Variants in PDE2A observed in about 807,000 individuals in gnomAD.
The protein encoded by PDE2A is phosphodiesterase 2A.
Under a neutral mutation model 133.6 loss-of-function variants are expected in PDE2A, and 53 were observed. The ratio of observed to expected loss-of-function variants is 0.40; its 90% CI spans 0.32 to 0.50. The LOEUF is 0.50. Ranked by LOEUF, PDE2A falls within the 20% of genes least tolerant of loss-of-function variation. The pLI is 0.73. For synonymous variants in PDE2A, 491 were observed against 490.2 expected, an observed-to-expected ratio of 1.00 and a Z score of -0.02; for missense variants, 796 against 1,232.4, an observed-to-expected ratio of 0.65 and a Z score of 5.30.
At chr11:72,637,753 T>G (rs1039569631) in intron 2 of PDE2A, among the ~76,000 whole-genome samples, 1 of 152,190 alleles carries the variant, frequency 6.6e-6, no homozygotes, top group African/African-American at 2.4e-5. Flanking sequence ...AGAGAAGCCT[T>G]CTTGGAGGAA....
chr11:72,578,465 T>TC lies in PDE2A; in HGVS notation c.2508+10dup. On this transcript the variant is annotated intron_variant, in intron 29 of 30. Coordinates refer to ENST00000334456, the MANE Select transcript of PDE2A (RefSeq NM_002599.5). The surrounding 1 kb of genome is among the most constrained non-coding windows in gnomAD (Gnocchi z 4.2). ...CCCATCCTGGACATCCTGGGGTCAC[T>TC]CCACACATACCAGGTCTCCCTGGGA... The TC allele has an allele frequency of 8.1e-6, 13 of 1,612,362 alleles. No individual in the cohort carries two copies. The highest frequency in any genetic ancestry group is 1.1e-5 in the Non-Finnish European group (13 of 1,178,418).
chr11:72,662,649 A>G (rs969824108), intron 1 of PDE2A, among the ~76,000 whole-genome samples: 1 of 152,104 alleles, frequency 6.6e-6, no homozygotes, highest in African/African-American at 2.4e-5. Flanking sequence ...GCTGCCACAC[A>G]CCTGCATTGG....
At chr11:72,639,944 G>A (rs969622388) in intron 2 of PDE2A, among the ~76,000 whole-genome samples, 1 of 151,948 alleles carries the variant, frequency 6.6e-6, no homozygotes, top group South Asian at 2.1e-4. Context: ...CGCCCCAAAT[G>A]TTACAGACCT....
intron 1 of PDE2A, among the ~76,000 whole-genome samples, chr11:72,643,846 C>G (rs1202178120): frequency 6.6e-6 from 1 of 152,190 alleles, no homozygotes; most frequent in African/African-American, 2.4e-5. Flanking sequence ...GTTTCTCCCA[C>G]CTTTCTTTCT....
chr11:72,577,364 G>T lies in PDE2A; in HGVS notation c.*20C>A. 6.3e-7 allele frequency: 1 copy of T among 1,592,378 alleles called. No individual in the cohort carries two copies. Among genetic ancestry groups the T allele is most frequent in the Non-Finnish European group, 8.6e-7 (1 of 1,163,098 alleles). On this transcript the variant is annotated 3_prime_UTR_variant, in exon 31 of 31. Coordinates refer to ENST00000334456, the MANE Select transcript of PDE2A (RefSeq NM_002599.5). Reference sequence around the variant, plus strand: ...GGGCTGTGGGAGGTGGCCTGGGCAGGGAAGTGTCCCTGGAGGGGATCACTC... The same window carrying T: ...GGGCTGTGGGAGGTGGCCTGGGCAGTGAAGTGTCCCTGGAGGGGATCACTC...
intron 1 of PDE2A, among the ~76,000 whole-genome samples, chr11:72,663,457 A>C (rs1210227902): frequency 1.3e-5 from 2 of 152,170 alleles, no homozygotes; most frequent in Non-Finnish European, 2.9e-5. Flanking sequence ...GGCCAGGTGC[A>C]GTGGTTCACG....
chr11:72,579,048 C>T, intron 27 of PDE2A, 39 bp from the exon 28 acceptor site: 1 of 1,432,030 alleles, frequency 7.0e-7, no homozygotes, highest in South Asian at 1.2e-5. Context: ...CGGGGCCCAG[C>T]CTCTTTGCCC....
rs182082848 is a variant in PDE2A, at chr11:72,615,602, C to A, written c.145-6851G>T. On this transcript the variant is annotated intron_variant, in intron 2 of 30. Coordinates refer to ENST00000334456, the MANE Select transcript of PDE2A (RefSeq NM_002599.5). The stretch of plus-strand genomic sequence containing the variant: ...GCCAGCTCAGGTCTCCTCCCACCCC[C>A]TCCCACCTTCAGCTGCTTCATCTAC... 1.2e-4 allele frequency among the ~76,000 whole-genome samples: 18 copies of A among 152,266 alleles called. No individual in the cohort carries two copies. In the East Asian group the frequency reaches 3.3e-3, roughly 28 times the overall value.
chr11:72,590,473 G>C lies in PDE2A; in HGVS notation c.657C>G (p.Gly219=). 6.5e-7 allele frequency: 1 copy of C among 1,539,102 alleles called. No homozygotes were observed. Among genetic ancestry groups the C allele is most frequent in the Non-Finnish European group, 8.7e-7 (1 of 1,145,904 alleles). The change falls in exon 8 of 31, where the codon GGC becomes GGG. Residue 219 remains glycine (G), a synonymous_variant. Coordinates refer to ENST00000334456, the MANE Select transcript of PDE2A (RefSeq NM_002599.5). This position sits in a 1 kb window ranked among gnomAD's most constrained non-coding sequence, Gnocchi z 4.8. Reference sequence around the variant, plus strand: ...GGTCGCGGTCGGTGTACGCCGCCCCGCCCTTCTGGTCTTCCGCCGTCCCCT... The same window carrying C: ...GGTCGCGGTCGGTGTACGCCGCCCCCCCCTTCTGGTCTTCCGCCGTCCCCT... ...PPEGTAEDQK[G]GAAYTDRDRK... is the part of the protein sequence containing the mutation.
At chr11:72,674,031 C>T (rs1054306144) in intron 1 of PDE2A, 106 bp downstream of exon 1, 29 of 1,122,828 alleles carry the variant, frequency 2.6e-5, no homozygotes, top group Middle Eastern at 2.0e-4. Flanking sequence ...GATCCTTCCA[C>T]GTGGCTCAGC....
At chr11:72,644,910 C>A (rs1270182609) in intron 1 of PDE2A, among the ~76,000 whole-genome samples, 1 of 152,204 alleles carries the variant, frequency 6.6e-6, no homozygotes, top group Admixed American at 6.5e-5. Flanking sequence ...GCATGCACCA[C>A]CATGCCCAGC....
intron 6 of PDE2A, among the ~76,000 whole-genome samples, chr11:72,595,035 G>GAC (rs34720227): frequency 0.068 from 10,043 of 148,692 alleles, 407 homozygotes; most frequent in Middle Eastern, 0.1. Context: ...GCGTCCCTGA[G>GAC]ACACACACAC....
chr11:72,652,504 C>T (rs1040703884), intron 1 of PDE2A: 2 of 455,650 alleles, frequency 4.4e-6, no homozygotes, highest in Non-Finnish European at 8.8e-6. Context: ...CCAGCCTCCA[C>T]CCCTTTGCTT....
chr11:72,636,152 C>A (rs926462183), intron 2 of PDE2A: 4 of 1,156,212 alleles, frequency 3.5e-6, no homozygotes, highest in Admixed American at 2.5e-5. Context: ...AGAGGAGGGG[C>A]CCTGCCGGCT....
chr11:72,589,832 A>G lies in PDE2A; in HGVS notation c.832-40T>C, dbSNP rs755481452. Reference sequence around the variant, plus strand: ...GCAGGGGGCTGGTTAAAGGAAAGGCAATGGATTTCCCCCTCGGAGACCCGA... The same window carrying G: ...GCAGGGGGCTGGTTAAAGGAAAGGCGATGGATTTCCCCCTCGGAGACCCGA... On this transcript the variant is annotated intron_variant, in intron 10 of 30. Coordinates refer to ENST00000334456, the MANE Select transcript of PDE2A (RefSeq NM_002599.5). 36 of 1,611,564 alleles carry G rather than the reference A, an allele frequency of 2.2e-5. No individual in the cohort carries two copies. In the South Asian group the frequency reaches 3.3e-4, roughly 15 times the overall value.
At chr11:72,591,429 G>T in intron 6 of PDE2A, 73 bp from the exon 7 acceptor site, 1 of 1,137,772 alleles carries the variant, frequency 8.8e-7, no homozygotes, top group Non-Finnish European at 1.3e-6. Flanking sequence ...CCCTCCCCAT[G>T]CGCAGCACAC....
At chr11:72,577,672 C>A in intron 30 of PDE2A, 78 bp from the exon 31 acceptor site, 1 of 1,058,320 alleles carries the variant, frequency 9.4e-7, no homozygotes, top group South Asian at 1.3e-5. Context: ...GGCTACACAA[C>A]AAATAGAACT....
At chr11:72,670,308 C>T (rs1406078642) in intron 1 of PDE2A, among the ~76,000 whole-genome samples, 4 of 152,208 alleles carry the variant, frequency 2.6e-5, no homozygotes, top group African/African-American at 7.2e-5. Context: ...CATCTGCCCC[C>T]AGGGGTGTCA....
At chr11:72,644,789 G>A (rs530398420) in intron 1 of PDE2A, among the ~76,000 whole-genome samples, 147 of 151,412 alleles carry the variant, frequency 9.7e-4, no homozygotes, top group Non-Finnish European at 1.6e-3. Flanking sequence ...ACGGAGTCTC[G>A]CTCTGTCACC....
Sources: allele counts gnomAD v4.1 joint callset (sites outside exome capture counted in the v4.1 genomes callset), GRCh38; gene constraint gnomAD v4.1.1; non-coding constraint Gnocchi (gnomAD v3.1); transcripts MANE v1.5; gene names NCBI Gene and HGNC (gene_info 2026-07-23, HGNC 2026-07-21).